Variants in CCT5 observed in about 807,000 individuals in gnomAD.
CCT5 encodes chaperonin containing TCP1 subunit 5, also known as T-complex protein 1 subunit epsilon.
A neutral mutation model predicts 55.0 loss-of-function variants in CCT5; 6 were observed. The observed-to-expected ratio is 0.11, with a 90% CI of 0.06 to 0.22. The LOEUF (loss-of-function observed/expected upper bound fraction) is 0.22. CCT5 is among the 10% of genes least tolerant of loss of function. The pLI is 1.00. For synonymous variants in CCT5, 231 were observed against 243.7 expected (o/e 0.95, Z 0.49); for missense variants, 560 against 694.6 (o/e 0.81, Z 2.18).
At chr5:10,263,022 C>G (rs74569181) in intron 9 of CCT5, 112 bp from the exon 10 acceptor site, 16 of 881,906 alleles carry the variant, frequency 1.8e-5, no homozygotes, top group African/African-American at 1.5e-4. Flanking sequence ...CCTGTTCTTA[C>G]AATTCTTTGT....
intron 7 of CCT5, among the ~76,000 whole-genome samples, 188 bp from the exon 8 acceptor site, chr5:10,261,372 G>A (rs187565533): frequency 2.4e-4 from 36 of 152,276 alleles, no homozygotes; most frequent in Admixed American, 2.0e-3. Flanking sequence ...CAATCAAGAC[G>A]TCCAGCTCAA....
intron 3 of CCT5, 85 bp downstream of exon 3, chr5:10,254,923 C>T (rs540599722): frequency 8.8e-7 from 1 of 1,134,454 alleles, no homozygotes; most frequent in East Asian, 2.4e-5. Context: ...ATTGTTGTCT[C>T]TGAATCAGAG....
rs1409044947 is a variant in CCT5 at position 10,257,207 on chromosome 5, C to T, written c.531-904C>T. Among the ~76,000 whole-genome samples, 4 of 152,290 alleles carry T rather than the reference C, an allele frequency of 2.6e-5. No homozygotes were observed. In the East Asian group the frequency reaches 7.7e-4, roughly 29 times the overall value. Reference sequence around the variant, plus strand: ...CTGTTGCCTTTTCCCCTGAGCAAAGCCTATGTTAGAGCAGAAGCCTTCAGC... The same window carrying T: ...CTGTTGCCTTTTCCCCTGAGCAAAGTCTATGTTAGAGCAGAAGCCTTCAGC... On this transcript the variant is annotated intron_variant, in intron 4 of 10. Transcript: ENST00000280326.
intron 10 of CCT5, 86 bp from the exon 11 acceptor site, chr5:10,264,570 C>G: frequency 1.1e-6 from 1 of 921,954 alleles, no homozygotes. Flanking sequence ...TTAAGTCTTA[C>G]TGTGATTCCC....
chr5:10,255,064 T>C, intron 3 of CCT5: 1 of 554,550 alleles, frequency 1.8e-6, no homozygotes, highest in Admixed American at 3.0e-5. Flanking sequence ...GTGTAATGAT[T>C]GATTGGACAC....
upstream of CCT5, chr5:10,249,936 C>CAAAAAG (rs1745277137): frequency 3.0e-6 from 1 of 334,134 alleles, no homozygotes; most frequent in Non-Finnish European, 4.6e-6. Flanking sequence ...AAAAAAAAAC[C>CAAAAAG]GGAAATGGGT....
In CCT5 at chr5:10,263,623, A is replaced by G. The variant is rs925485415; in HGVS notation, c.1498+309A>G. Among the ~76,000 whole-genome samples the G allele has an allele frequency of 5.9e-5, 9 of 152,356 alleles. No individual in the cohort carries two copies. In the South Asian group the frequency reaches 1.7e-3, roughly 28 times the overall value. ...TGCTGTTTTTACACAGATGTCTGTC[A>G]GTGGGCAGCATATATATAACAGCTC... is the stretch of plus-strand genomic sequence containing the variant. On this transcript the variant is annotated intron_variant, in intron 10 of 10. Coordinates refer to ENST00000280326, the MANE Select transcript of CCT5 (RefSeq NM_012073.5).
At chr5:10,264,053 A>G (rs998470475) in intron 10 of CCT5, among the ~76,000 whole-genome samples, 1 of 152,184 alleles carries the variant, frequency 6.6e-6, no homozygotes, top group African/African-American at 2.4e-5. Context: ...CGGGTGGATC[A>G]CCTGAGGTCA....
At chr5:10,264,230 G>A (rs1014213111) in intron 10 of CCT5, among the ~76,000 whole-genome samples, 3 of 151,412 alleles carry the variant, frequency 2.0e-5, no homozygotes, top group Admixed American at 1.3e-4. Flanking sequence ...AGCTGAGATC[G>A]CACTGTTGTA....
At position 10,258,046 on chromosome 5, in the gene CCT5, T is replaced by C. The variant is rs1579451623; in HGVS notation, c.531-65T>C. 11 of 1,480,072 alleles carry C rather than the reference T, an allele frequency of 7.4e-6. No homozygotes were observed. The East Asian group carries it at 1.4e-4, about 18-fold the overall frequency. 91.7% of individuals were successfully genotyped at this position (1,480,072 alleles called of 1,614,324 possible). On this transcript the variant is annotated intron_variant, in intron 4 of 10. Coordinates refer to ENST00000280326, the MANE Select transcript of CCT5 (RefSeq NM_012073.5). ...TATATCTTTGAGTAACATTGTGTTATGTGGCCTGCTTTGGTTGCAGTAATT... is the reference window on the plus strand; with the variant it reads ...TATATCTTTGAGTAACATTGTGTTACGTGGCCTGCTTTGGTTGCAGTAATT...
rs1050771398 is a variant in CCT5 at position 10,265,037 on chromosome 5, A to G, written c.*254A>G. ...AACCTTTATCTTCTCTTCGGGTTTA[A>G]GAAACGTTTATTGTAACAGTAATTA... On this transcript the variant is annotated 3_prime_UTR_variant, in exon 11 of 11. Coordinates refer to ENST00000280326, the MANE Select transcript of CCT5 (RefSeq NM_012073.5). 3 of 432,672 alleles carry G rather than the reference A, an allele frequency of 6.9e-6. No individual in the cohort carries two copies. Among genetic ancestry groups the G allele is most frequent in the Non-Finnish European group, 8.3e-6 (2 of 240,622 alleles). The allele number at this position is 432,672 out of a possible 1,614,324, so 26.8% of individuals were successfully genotyped here.
intron 10 of CCT5, among the ~76,000 whole-genome samples, chr5:10,264,110 A>T (rs2662535): frequency 0.8 from 111,958 of 140,672 alleles, 43,525 homozygotes; most frequent in East Asian, 0.87. Context: ...CCATCTCTAC[A>T]AAAAATACAA....
In CCT5 at chr5:10,256,099, T is replaced by A. The variant is rs200462817; in HGVS notation, c.476T>A (p.Ile159Lys). The A allele has an allele frequency of 1.9e-4, 307 of 1,613,984 alleles. 4 individuals carry two copies. The highest frequency in any genetic ancestry group is 1.8e-5 in the Non-Finnish European group (21 of 1,179,886). Residue 159 changes from isoleucine (I) to lysine (K), a missense_variant, in exon 4 of 11, where the codon ATA becomes AAA. Ile to Lys is a moderately radical substitution (Grantham distance 102). This residue lies in a region of CCT5 where 52 missense variants were observed against 35.3 expected (regional missense o/e 1.47). Coordinates refer to ENST00000280326, the MANE Select transcript of CCT5 (RefSeq NM_012073.5). ...ATCAGCGATAGCGTCCTTGTTGACA[T>A]AAAGGACACCGAACCCCTGATTCAG... ...DKISDSVLVD[I>K]KDTEPLIQTA...
Position 10,255,980 on chromosome 5 carries a change from A to C in CCT5, c.357A>C (p.Glu119Asp), listed in dbSNP as rs769157481. The change falls in exon 4 of 11, where the codon GAA becomes GAC. Residue 119 changes from glutamate (E) to aspartate (D), a missense_variant. Physicochemically the swap from Glu to Asp is conservative, Grantham distance 45. Transcript: ENST00000280326. ...TCCTGGCTGGTGCCTTGTTAGAAGA[A>C]GCGGAGCAATTGCTAGACCGAGGCA... ...VVVLAGALLE[E>D]AEQLLDRGIH... 6.2e-7 allele frequency: 1 copy of C among 1,614,216 alleles called. No homozygotes were observed. The highest frequency in any genetic ancestry group is 1.7e-5 in the Admixed American group (1 of 60,020).
chr5:10,250,114 TCTTCAAACCTCCCC>T (rs1423482829), upstream of CCT5: 188 of 1,534,410 alleles, frequency 1.2e-4, no homozygotes, highest in Non-Finnish European at 1.4e-4. Context: ...CCACTAAGTG[TCTTCAAACCTCCCC>T]CTCCCCGGCT....
rs1245333958 is a variant in CCT5, at chr5:10,260,891, G to A, written c.973G>A (p.Val325Ile). 6 of 1,614,126 alleles carry A rather than the reference G, an allele frequency of 3.7e-6. No homozygotes were observed. Among genetic ancestry groups the A allele is most frequent in the Non-Finnish European group, 5.1e-6 (6 of 1,179,998 alleles). Residue 325 changes from valine (V) to isoleucine (I), a missense_variant, in exon 7 of 11, where the codon GTA becomes ATA. This residue lies in a region of CCT5 where 256 missense variants were observed against 372.4 expected (regional missense o/e 0.69). Coordinates refer to ENST00000280326, the MANE Select transcript of CCT5 (RefSeq NM_012073.5). The stretch of plus-strand genomic sequence containing the variant: ...GAACAACTTGCCTGCGGTTCGCTGG[G>A]TAGGAGGACCTGAAATTGAGGTAGG... ...LQNNLPAVRW[V>I]GGPEIELIAI...
At chr5:10,258,801 GACTAACACGGTGAAACGCCATTTCT>G (rs546489937) in intron 6 of CCT5, among the ~76,000 whole-genome samples, 1 of 152,196 alleles carries the variant, frequency 6.6e-6, no homozygotes, top group Non-Finnish European at 1.5e-5. Flanking sequence ...GAGACCATCT[GACTAACACGGTGAAACGCCATTTCT>G]ACTAAAAACA....
rs767982457 is a variant in CCT5, at chr5:10,262,571, G to T, written c.1270G>T (p.Ala424Ser). The T allele has an allele frequency of 2.0e-5, 33 of 1,614,140 alleles. No individual in the cohort carries two copies. In the East Asian group the frequency reaches 4.5e-4, roughly 22 times the overall value. Reference protein sequence around the residue: ...RDNRVVYGGGAAEISCALAVS... With the variant: ...RDNRVVYGGGSAEISCALAVS... ...TAATCGTGTGGTGTATGGAGGAGGGGCTGCTGAGATATCCTGTGCCCTGGC... is the reference window on the plus strand; with the variant it reads ...TAATCGTGTGGTGTATGGAGGAGGGTCTGCTGAGATATCCTGTGCCCTGGC... The change falls in exon 9 of 11, where the codon GCT becomes TCT. Residue 424 changes from alanine to serine, a missense_variant. This residue lies in a region of CCT5 where 256 missense variants were observed against 372.4 expected (regional missense o/e 0.69). Transcript: ENST00000280326.
chr5:10,261,928 C>A (rs1232909213), intron 8 of CCT5, 183 bp downstream of exon 8: 1 of 676,562 alleles, frequency 1.5e-6, no homozygotes. Flanking sequence ...TCACAAGGCA[C>A]ATTTGCCTTT....
Sources: gnomAD v4.1 joint callset for allele counts (sites outside exome capture counted in the v4.1 genomes callset) on GRCh38, gnomAD v4.1.1 for gene constraint, gnomAD v4.1.1 regional missense constraint, MANE v1.5 for transcripts, NCBI Gene and HGNC (gene_info 2026-07-23, HGNC 2026-07-21) for gene names.